POLD3: variants seen among roughly 807,000 people sequenced by gnomAD.
POLD3 encodes the protein DNA polymerase delta 3, accessory subunit.
In POLD3, 19 loss-of-function variants were observed where a neutral mutation model predicts 58.2. The ratio of observed to expected loss-of-function variants is 0.33; its 90% CI spans 0.23 to 0.48. POLD3 has a LOEUF of 0.48. Among genes scored for constraint, POLD3 ranks in the 20% least tolerant of loss-of-function variants. The pLI is 0.99. For missense variants in POLD3, 504 were observed against 545.5 expected, an observed-to-expected ratio of 0.92 and a Z score of 0.76; for synonymous variants, 172 against 193.5, an observed-to-expected ratio of 0.89 and a Z score of 0.92.
chr11:74,615,166 C>T (rs2032045576), intron 5 of POLD3, among the ~76,000 whole-genome samples: 1 of 152,196 alleles, frequency 6.6e-6, no homozygotes, highest in Admixed American at 6.5e-5. Context: ...CCTCCCTGTT[C>T]TTGTCAGTAA....
intron 3 of POLD3, among the ~76,000 whole-genome samples, chr11:74,606,874 C>CT (rs1383698915): frequency 1.3e-5 from 2 of 152,138 alleles, no homozygotes; most frequent in African/African-American, 4.8e-5. Flanking sequence ...TTCTGCCTAT[C>CT]TTTTTTTAGC....
At chr11:74,592,942 T>C in intron 1 of POLD3, 1 of 1,399,852 alleles carries the variant, frequency 7.1e-7, no homozygotes, top group Non-Finnish European at 9.3e-7. Context: ...GTGGGCGTGC[T>C]GGGAACAGAG....
downstream of POLD3, among the ~76,000 whole-genome samples, chr11:74,643,708 G>C (rs565241721): frequency 1.3e-5 from 2 of 152,326 alleles, no homozygotes; most frequent in African/African-American, 4.8e-5. Context: ...GCCTTGCTAA[G>C]CAGTTTGGAT....
chr11:74,608,963 A>T (rs1410800003), intron 3 of POLD3, among the ~76,000 whole-genome samples: 3 of 152,176 alleles, frequency 2.0e-5, no homozygotes, highest in African/African-American at 4.8e-5. Flanking sequence ...TACACTTTTT[A>T]AAAAACTTAT....
At chr11:74,608,412 C>T (rs892084110) in intron 3 of POLD3, among the ~76,000 whole-genome samples, 2 of 152,102 alleles carry the variant, frequency 1.3e-5, no homozygotes, top group Non-Finnish European at 2.9e-5. Context: ...TGAACCACGG[C>T]ACCTGGCCTT....
intron 4 of POLD3, among the ~76,000 whole-genome samples, chr11:74,663,335 A>G (rs1469502345): frequency 1.3e-5 from 2 of 152,264 alleles, no homozygotes; most frequent in African/African-American, 4.8e-5. Context: ...AGCAATGCCA[A>G]TCAAATTTCT....
At chr11:74,661,983 G>A (rs2033212144) in intron 4 of POLD3, among the ~76,000 whole-genome samples, 2 of 152,300 alleles carry the variant, frequency 1.3e-5, no homozygotes, top group Admixed American at 1.3e-4. Flanking sequence ...AGGCCCATGG[G>A]GAGTACTGCC....
In POLD3 at chr11:74,641,277, T is replaced by C; in HGVS notation, c.*511T>C. On this transcript the variant is annotated 3_prime_UTR_variant, in exon 12 of 12. Coordinates refer to ENST00000263681, the MANE Select transcript of POLD3 (RefSeq NM_006591.3). ...CCTGAGGCTGTTCTCTGTAAGTCTT[T>C]TAAGTTTTGGTTGGACTAAAGGCTG... The C allele has an allele frequency of 1.0e-6, 1 of 985,520 alleles. No homozygotes were observed. The highest frequency in any genetic ancestry group is 1.2e-6 in the Non-Finnish European group (1 of 830,016). 61.0% of individuals were successfully genotyped at this position (985,520 alleles called of 1,614,324 possible). A position where few individuals can be genotyped will look rare whatever the true frequency, so the allele number is the denominator to read the frequency against.
Position 74,592,635 on chromosome 11 carries a change from G to A in POLD3, c.-24G>A, listed in dbSNP as rs765997429. On this transcript the variant is annotated 5_prime_UTR_variant, in exon 1 of 12. Coordinates refer to ENST00000263681, the MANE Select transcript of POLD3 (RefSeq NM_006591.3). ...GGCTGTGATTGAGAGAGGGGTTAGAGGCGGGTCCCAGCGCTGCCGCACCAT... is the reference window on the plus strand; with the variant it reads ...GGCTGTGATTGAGAGAGGGGTTAGAAGCGGGTCCCAGCGCTGCCGCACCAT... 1.9e-6 allele frequency: 3 copies of A among 1,597,448 alleles called. No individual in the cohort carries two copies. The highest frequency in any genetic ancestry group is 1.7e-6 in the Non-Finnish European group (2 of 1,170,612).
intron 4 of POLD3, among the ~76,000 whole-genome samples, chr11:74,656,037 A>G (rs2033129511): frequency 6.6e-6 from 1 of 152,256 alleles, no homozygotes; most frequent in African/African-American, 2.4e-5. Context: ...ATCAGCAATT[A>G]GTAATTGTAA....
At chr11:74,649,850 T>TGA (rs375042490) in intron 4 of POLD3, among the ~76,000 whole-genome samples, 1,947 of 151,576 alleles carry the variant, frequency 0.013, 17 homozygotes, top group Non-Finnish European at 0.02. Flanking sequence ...TTTATTTATT[T>TGA]GAGAGAGAGA....
intron 7 of POLD3, among the ~76,000 whole-genome samples, chr11:74,620,901 G>T (rs2032229912): frequency 6.7e-6 from 1 of 149,632 alleles, no homozygotes; most frequent in Non-Finnish European, 1.5e-5. Context: ...CTAAATTGGT[G>T]GTCACGGGAG....
rs376509185 is a variant in POLD3 at position 74,594,735 on chromosome 11, T to C, written c.116+619T>C. The stretch of plus-strand genomic sequence containing the variant: ...AAGACGAGGTTTAATTGACTCACAG[T>C]TCCGCATGGCTGGGGAGGCCTCAGG... On this transcript the variant is annotated intron_variant, in intron 2 of 11. Coordinates refer to ENST00000263681, the MANE Select transcript of POLD3 (RefSeq NM_006591.3). Among the ~76,000 whole-genome samples the C allele has an allele frequency of 2.4e-4, 36 of 152,338 alleles. No homozygotes were observed. In the South Asian group the frequency reaches 7.5e-3, roughly 32 times the overall value.
intron 4 of POLD3, among the ~76,000 whole-genome samples, chr11:74,661,657 C>G (rs2135200265): frequency 6.6e-6 from 1 of 152,296 alleles, no homozygotes; most frequent in South Asian, 2.1e-4. Flanking sequence ...AGTGCTGGGT[C>G]TTACCCAAGA....
intron 7 of POLD3, among the ~76,000 whole-genome samples, chr11:74,622,279 A>G (rs1331044223): frequency 2.6e-5 from 4 of 152,062 alleles, no homozygotes; most frequent in Non-Finnish European, 5.9e-5. Flanking sequence ...ATTGTTGGAC[A>G]TTTGGCTTGG....
At chr11:74,610,019 G>C (rs1275708820) in intron 3 of POLD3, among the ~76,000 whole-genome samples, 3 of 152,198 alleles carry the variant, frequency 2.0e-5, no homozygotes, top group Non-Finnish European at 4.4e-5. Context: ...TACATTCCTA[G>C]AGTAGGATTG....
At chr11:74,620,541 TTACTCACAG>T (rs1242861279) in intron 7 of POLD3, among the ~76,000 whole-genome samples, 1 of 152,194 alleles carries the variant, frequency 6.6e-6, no homozygotes, top group Non-Finnish European at 1.5e-5. Flanking sequence ...TTTTTGCAGA[TTACTCACAG>T]TAATGAATTA....
intron 2 of POLD3, among the ~76,000 whole-genome samples, chr11:74,598,895 G>A (rs182927859): frequency 2.0e-5 from 3 of 152,246 alleles, no homozygotes; most frequent in African/African-American, 7.2e-5. Flanking sequence ...ACTTCTCAAT[G>A]AGAGAATGTA....
intron 9 of POLD3, 122 bp downstream of exon 9, chr11:74,629,445 A>G (rs1297029106): frequency 1.8e-6 from 1 of 552,842 alleles, no homozygotes; most frequent in African/African-American, 2.0e-5. Flanking sequence ...AAGAGACACC[A>G]TAGCACCTCT....
Sources: gnomAD v4.1 joint callset for allele counts (sites outside exome capture counted in the v4.1 genomes callset) on GRCh38, gnomAD v4.1.1 for gene constraint, MANE v1.5 for transcripts, NCBI Gene and HGNC (gene_info 2026-07-23, HGNC 2026-07-21) for gene names.